Variants in NADK2 observed in about 807,000 individuals in gnomAD.
NADK2 encodes the protein NAD kinase 2, mitochondrial.
A neutral mutation model predicts 62.1 loss-of-function variants in NADK2; 35 were observed. That is an observed-to-expected ratio of 0.56 (90% CI 0.43 to 0.75). NADK2 has a LOEUF of 0.75. Among genes scored for constraint, NADK2 ranks in the 30% least tolerant of loss-of-function variants. The probability of loss-of-function intolerance (pLI) is 0.00; values close to 1 mark genes in which losing one functional copy is unlikely to be tolerated. For missense variants in NADK2, 439 were observed against 561.3 expected, an observed-to-expected ratio of 0.78 and a Z score of 2.20; for synonymous variants, 205 against 207.9, an observed-to-expected ratio of 0.99 and a Z score of 0.12.
Position 36,195,112 on chromosome 5 carries a change from C to A in NADK2, c.*32G>T. The A allele has an allele frequency of 6.3e-7, 1 of 1,579,894 alleles. No homozygotes were observed. Among genetic ancestry groups the A allele is most frequent in the East Asian group, 2.3e-5 (1 of 43,794 alleles). ...TGTTTCTGAAGTAAAAATATTCTCGCCAGTAATCAAAATTTGTCATGAGGA... is the reference window on the plus strand; with the variant it reads ...TGTTTCTGAAGTAAAAATATTCTCGACAGTAATCAAAATTTGTCATGAGGA... On this transcript the variant is annotated 3_prime_UTR_variant, in exon 12 of 12. Coordinates refer to ENST00000381937, the MANE Select transcript of NADK2 (RefSeq NM_001085411.3).
chr5:36,233,639 T>C (rs1320711897), intron 1 of NADK2, among the ~76,000 whole-genome samples: 4 of 152,228 alleles, frequency 2.6e-5, no homozygotes, highest in African/African-American at 9.6e-5. Flanking sequence ...TTATTTAAAA[T>C]ATATTTTTAA....
intron 7 of NADK2, among the ~76,000 whole-genome samples, chr5:36,208,348 G>C (rs1746714416): frequency 6.6e-6 from 1 of 151,878 alleles, no homozygotes. Flanking sequence ...ACACACATTA[G>C]GAGCCTATTA....
intron 6 of NADK2, among the ~76,000 whole-genome samples, chr5:36,215,243 T>A (rs1416321012): frequency 6.6e-6 from 1 of 152,192 alleles, no homozygotes; most frequent in Non-Finnish European, 1.5e-5. Context: ...TGTGAAACAC[T>A]TTGTGGGTCC....
intron 1 of NADK2, among the ~76,000 whole-genome samples, chr5:36,233,569 C>T (rs147206371): frequency 0.016 from 2,397 of 152,238 alleles, 30 homozygotes; most frequent in South Asian, 0.044. Context: ...ACGATCACAG[C>T]CAGCATTATC....
chr5:36,195,431 A>G, intron 11 of NADK2, 149 bp from the exon 12 acceptor site: 1 of 801,146 alleles, frequency 1.2e-6, no homozygotes, highest in South Asian at 2.1e-5. Flanking sequence ...ATGTAAATAT[A>G]TGGGTATATT....
intron 4 of NADK2, among the ~76,000 whole-genome samples, chr5:36,225,060 T>C (rs567547255): frequency 6.2e-4 from 94 of 152,234 alleles, no homozygotes; most frequent in African/African-American, 2.2e-3. Flanking sequence ...GGTCAAGAAC[T>C]CAGGTCTATT....
In NADK2 at chr5:36,205,736, G is replaced by A. The variant is rs1014722378; in HGVS notation, c.956+1434C>T. ...CAACCATTGTGGAAGACAGTGTGGCGATTCCTCAAGGATCTAGAACTAGAA... is the reference window on the plus strand; with the variant it reads ...CAACCATTGTGGAAGACAGTGTGGCAATTCCTCAAGGATCTAGAACTAGAA... On this transcript the variant is annotated intron_variant, in intron 8 of 11. Transcript: ENST00000381937. This position sits in a 1 kb window ranked among gnomAD's most constrained non-coding sequence, Gnocchi z 4.1. 1.3e-5 allele frequency among the ~76,000 whole-genome samples: 2 copies of A among 152,196 alleles called. No homozygotes were observed. Among genetic ancestry groups the A allele is most frequent in the East Asian group, 1.9e-4 (1 of 5,174 alleles).
intron 7 of NADK2, chr5:36,208,729 G>A: frequency 7.6e-7 from 1 of 1,322,636 alleles, no homozygotes; most frequent in Non-Finnish European, 1.0e-6. Context: ...AACAAAATTG[G>A]GCCTTTAAAA....
chr5:36,205,063 AT>A lies in NADK2; in HGVS notation c.956+2106del, dbSNP rs1438025796. On this transcript the variant is annotated intron_variant, in intron 8 of 11. Coordinates refer to ENST00000381937, the MANE Select transcript of NADK2 (RefSeq NM_001085411.3). This position sits in a 1 kb window ranked among gnomAD's most constrained non-coding sequence, Gnocchi z 4.1. ...TATATACAATTGTGAGCATATAGTC[AT>A]TTACTCAAAAAATATTTTTTGAGTG... Among the ~76,000 whole-genome samples the A allele has an allele frequency of 6.6e-6, 1 of 152,030 alleles. No individual in the cohort carries two copies. The highest frequency in any genetic ancestry group is 1.5e-5 in the Non-Finnish European group (1 of 67,986).
intron 6 of NADK2, 198 bp from the exon 7 acceptor site, chr5:36,212,120 G>A: frequency 2.5e-6 from 1 of 408,100 alleles, no homozygotes; most frequent in Non-Finnish European, 4.4e-6. Flanking sequence ...ACTTACACCT[G>A]TAATGAAGGC....
intron 6 of NADK2, among the ~76,000 whole-genome samples, chr5:36,212,583 T>C (rs1260685956): frequency 6.6e-6 from 1 of 152,216 alleles, no homozygotes; most frequent in Admixed American, 6.5e-5. Context: ...AATTTGTGAC[T>C]GTCCCCTTCA....
intron 1 of NADK2, among the ~76,000 whole-genome samples, chr5:36,230,462 G>C (rs1323601198): frequency 6.6e-6 from 1 of 152,028 alleles, no homozygotes; most frequent in Non-Finnish European, 1.5e-5. Context: ...AAAATTTCCT[G>C]GTATTTTTAA....
At chr5:36,200,382 G>GTT (rs775889362) in intron 9 of NADK2, 102 bp from the exon 10 acceptor site, 107 of 501,232 alleles carry the variant, frequency 2.1e-4, no homozygotes, top group Middle Eastern at 1.2e-3. Flanking sequence ...GTGTATATGT[G>GTT]TTATATATAT....
At chr5:36,224,784 G>C (rs1747419415) in intron 4 of NADK2, among the ~76,000 whole-genome samples, 1 of 152,028 alleles carries the variant, frequency 6.6e-6, no homozygotes, top group Non-Finnish European at 1.5e-5. Flanking sequence ...ATAAAGTCCA[G>C]GTACAGTCAT....
rs932420897 is a variant in NADK2, at chr5:36,192,723, T to C, written c.*2421A>G. ...AAGCACTTCACCCTGATTTAATAAC[T>C]AATCATTCTATGTCAAATGTTAACA... On this transcript the variant is annotated 3_prime_UTR_variant, in exon 12 of 12. Transcript: ENST00000381937. The C allele has an allele frequency of 1.3e-5, 2 of 152,248 alleles. No homozygotes were observed. Among genetic ancestry groups the C allele is most frequent in the Non-Finnish European group, 2.9e-5 (2 of 68,050 alleles). The allele number at this position is 152,248 out of a possible 1,614,324, so 9.4% of individuals were successfully genotyped here.
At chr5:36,208,853 C>T in intron 7 of NADK2, among the ~76,000 whole-genome samples, 1 of 152,046 alleles carries the variant, frequency 6.6e-6, no homozygotes, top group South Asian at 2.1e-4. Context: ...AATACAGGAT[C>T]TAGAATCAGA....
chr5:36,230,614 G>T (rs1367111576), intron 1 of NADK2, among the ~76,000 whole-genome samples: 1 of 152,224 alleles, frequency 6.6e-6, no homozygotes, highest in African/African-American at 2.4e-5. Flanking sequence ...TTCCAGAAAA[G>T]CAAGAATAGT....
At chr5:36,198,774 T>C (rs562573939) in intron 10 of NADK2, among the ~76,000 whole-genome samples, 51 of 151,968 alleles carry the variant, frequency 3.4e-4, no homozygotes, top group Non-Finnish European at 5.9e-4. Context: ...TCATGAACCA[T>C]GATTAAAATA....
rs1746145650 is a variant in NADK2 at position 36,194,352 on chromosome 5, A to G, written c.*792T>C. 1 of 152,198 alleles carries G rather than the reference A, an allele frequency of 6.6e-6. No individual in the cohort carries two copies. Among genetic ancestry groups the G allele is most frequent in the African/African-American group, 2.4e-5 (1 of 41,464 alleles). The allele number at this position is 152,198 out of a possible 1,614,324, so 9.4% of individuals were successfully genotyped here. A position where few individuals can be genotyped will look rare whatever the true frequency, so the allele number is the denominator to read the frequency against. ...AAATGTCTAATCAGTTCATCCTTTT[A>G]GTCCCTGAATCCATGTTTGAGCATT... On this transcript the variant is annotated 3_prime_UTR_variant, in exon 12 of 12. Coordinates refer to ENST00000381937, the MANE Select transcript of NADK2 (RefSeq NM_001085411.3).
Sources: gnomAD v4.1 joint callset for allele counts (sites outside exome capture counted in the v4.1 genomes callset) on GRCh38, gnomAD v4.1.1 for gene constraint, Gnocchi (gnomAD v3.1) non-coding constraint, MANE v1.5 for transcripts, NCBI Gene and HGNC (gene_info 2026-07-23, HGNC 2026-07-21) for gene names.